The following ILDR1 variants were observed in gnomAD, a reference collection of about 807,000 sequenced individuals.
ILDR1 encodes the protein immunoglobulin like domain containing receptor 1.
In ILDR1, 56 loss-of-function variants were observed where a neutral mutation model predicts 62.4. The ratio of observed to expected loss-of-function variants is 0.90; its 90% CI spans 0.72 to 1.12. The LOEUF (loss-of-function observed/expected upper bound fraction) is 1.12, where lower values mean the gene tolerates loss of function less well. Ranked by LOEUF, ILDR1 falls within the 50% of genes most tolerant of loss-of-function variation. The pLI is 0.00. For synonymous variants in ILDR1, 284 were observed against 277.8 expected, an observed-to-expected ratio of 1.02 and a Z score of -0.22; for missense variants, 736 against 710.6, an observed-to-expected ratio of 1.04 and a Z score of -0.41.
intron 1 of ILDR1, among the ~76,000 whole-genome samples, chr3:122,016,316 T>C (rs1037926670): frequency 3.3e-5 from 5 of 152,234 alleles, no homozygotes; most frequent in African/African-American, 1.2e-4. Flanking sequence ...CACAGTTGTA[T>C]TTCTACATTC....
the ILDR1 span, among the ~76,000 whole-genome samples, chr3:122,040,737 GAA>G: frequency 7.8e-4 from 97 of 124,816 alleles, no homozygotes; most frequent in African/African-American, 2.0e-3. Flanking sequence ...AAAAAAAAAA[GAA>G]AAAAAAAAAA....
intron 3 of ILDR1, among the ~76,000 whole-genome samples, chr3:122,004,533 G>C (rs555542325): frequency 6.6e-6 from 1 of 152,152 alleles, no homozygotes. Flanking sequence ...ATGCACACCC[G>C]CACCTGACTC....
At chr3:122,010,946 G>C (rs1048452375) in intron 1 of ILDR1, among the ~76,000 whole-genome samples, 2 of 152,312 alleles carry the variant, frequency 1.3e-5, no homozygotes, top group African/African-American at 2.4e-5. Context: ...TAAGGGACTT[G>C]TCTGTGGTCA....
At chr3:122,010,213 T>C (rs1156753593) in intron 1 of ILDR1, among the ~76,000 whole-genome samples, 1 of 152,062 alleles carries the variant, frequency 6.6e-6, no homozygotes, top group African/African-American at 2.4e-5. Flanking sequence ...TCCAGCTTTA[T>C]GGAAAACAGA....
chr3:122,051,514 C>A, the ILDR1 span, among the ~76,000 whole-genome samples: 6 of 152,024 alleles, frequency 3.9e-5, 1 homozygote, highest in South Asian at 2.1e-4. Flanking sequence ...TATTGAATTT[C>A]TCATTGGTTC....
intron 3 of ILDR1, among the ~76,000 whole-genome samples, chr3:122,003,410 C>T (rs1467688829): frequency 6.6e-6 from 1 of 152,136 alleles, no homozygotes; most frequent in Non-Finnish European, 1.5e-5. Context: ...AAGCTTACCC[C>T]AGACTTGGAA....
the ILDR1 span, among the ~76,000 whole-genome samples, chr3:122,040,723 CAA>C: frequency 7.7e-5 from 5 of 65,342 alleles, no homozygotes; most frequent in Admixed American, 1.6e-4. Context: ...AATCCAGATG[CAA>C]AAAAAAAAAA....
the ILDR1 span, among the ~76,000 whole-genome samples, chr3:122,055,102 GGTTT>G: frequency 6.6e-6 from 1 of 152,024 alleles, no homozygotes; most frequent in African/African-American, 2.4e-5. Context: ...TTGCTGCGGA[GGTTT>G]GTTTTCTCTT....
the ILDR1 span, among the ~76,000 whole-genome samples, chr3:122,049,598 G>T: frequency 1.3e-5 from 2 of 152,024 alleles, no homozygotes; most frequent in African/African-American, 4.8e-5. Flanking sequence ...TATCTTTCTG[G>T]TGAATTGAAC....
chr3:122,050,446 C>T, the ILDR1 span, among the ~76,000 whole-genome samples: 10 of 151,866 alleles, frequency 6.6e-5, no homozygotes, highest in South Asian at 2.1e-4. Context: ...TTTCTTTGTG[C>T]TCACTGTGGG....
chr3:122,055,410 C>G, the ILDR1 span: 1 of 1,392,824 alleles, frequency 7.2e-7, no homozygotes, highest in South Asian at 1.2e-5. Flanking sequence ...TGCTTCTCTG[C>G]TGCTGTAACA....
intron 3 of ILDR1, among the ~76,000 whole-genome samples, chr3:122,003,620 T>G (rs1341746552): frequency 6.6e-6 from 1 of 152,106 alleles, no homozygotes; most frequent in Non-Finnish European, 1.5e-5. Flanking sequence ...GGCAAAAAAG[T>G]GTCAGAAAAC....
At chr3:122,027,830 C>T in the ILDR1 span, among the ~76,000 whole-genome samples, 3 of 152,080 alleles carry the variant, frequency 2.0e-5, no homozygotes, top group South Asian at 2.1e-4. Flanking sequence ...ATTATTGAAC[C>T]TGACAAGGGG....
the ILDR1 span, among the ~76,000 whole-genome samples, chr3:122,045,341 T>G: frequency 6.6e-6 from 1 of 150,662 alleles, no homozygotes; most frequent in Non-Finnish European, 1.5e-5. Context: ...CTTCCAACTA[T>G]GTGGTCAATT....
chr3:122,041,827 T>G, the ILDR1 span, among the ~76,000 whole-genome samples: 1 of 151,970 alleles, frequency 6.6e-6, no homozygotes, highest in African/African-American at 2.4e-5. Flanking sequence ...CTTTAGAGCT[T>G]TCTATATATA....
chr3:122,004,166 G>C (rs926325487), intron 3 of ILDR1, among the ~76,000 whole-genome samples: 7 of 152,166 alleles, frequency 4.6e-5, no homozygotes, highest in Non-Finnish European at 7.3e-5. Flanking sequence ...CACCATGAGT[G>C]GCCCACTGGG....
the ILDR1 span, among the ~76,000 whole-genome samples, chr3:122,033,443 A>G: frequency 6.6e-6 from 1 of 150,926 alleles, no homozygotes; most frequent in Admixed American, 6.6e-5. Flanking sequence ...GTGACTTGCC[A>G]TTTTGCTCTC....
the ILDR1 span, among the ~76,000 whole-genome samples, chr3:122,039,200 C>G: frequency 1.3e-5 from 2 of 151,568 alleles, no homozygotes; most frequent in Non-Finnish European, 2.9e-5. Flanking sequence ...GAAATAATAA[C>G]CAAGAATTTG....
the ILDR1 span, among the ~76,000 whole-genome samples, chr3:122,059,306 C>T: frequency 6.6e-6 from 1 of 151,976 alleles, no homozygotes; most frequent in Non-Finnish European, 1.5e-5. Flanking sequence ...ACCTTGACAT[C>T]TAAGGAGGGA....
Sources: gnomAD v4.1 joint callset for allele counts (sites outside exome capture counted in the v4.1 genomes callset) on GRCh38, gnomAD v4.1.1 for gene constraint, MANE v1.5 for transcripts, NCBI Gene and HGNC (gene_info 2026-07-23, HGNC 2026-07-21) for gene names.